MYLK: variants seen among roughly 807,000 people sequenced by gnomAD.
The protein encoded by MYLK is myosin light chain kinase, smooth muscle.
In MYLK, 106 loss-of-function variants were observed where a neutral mutation model predicts 203.4. The observed-to-expected ratio is 0.52, with a 90% CI of 0.45 to 0.61. MYLK has a LOEUF of 0.61. Ranked by LOEUF, MYLK falls within the 20% of genes least tolerant of loss-of-function variation. The pLI is 0.00. For synonymous variants in MYLK, 867 were observed against 959.5 expected, an observed-to-expected ratio of 0.90 and a Z score of 1.78; for missense variants, 2,072 against 2,442.3, an observed-to-expected ratio of 0.85 and a Z score of 3.20.
intron 29 of MYLK, among the ~76,000 whole-genome samples, chr3:123,637,304 A>G (rs1240519534): frequency 6.6e-6 from 1 of 152,134 alleles, no homozygotes; most frequent in Admixed American, 6.5e-5. Context: ...CTCAGAGCGC[A>G]GTCGTTGAAC....
chr3:123,695,597 C>A (rs2060889082), intron 18 of MYLK, among the ~76,000 whole-genome samples: 1 of 152,138 alleles, frequency 6.6e-6, no homozygotes, highest in South Asian at 2.1e-4. Context: ...GGATTATGCA[C>A]ACAACAAAGG....
At chr3:123,781,891 CAG>C (rs368770554) in intron 4 of MYLK, among the ~76,000 whole-genome samples, 6 of 152,114 alleles carry the variant, frequency 3.9e-5, no homozygotes, top group African/African-American at 1.2e-4. Flanking sequence ...TAAATAAAAA[CAG>C]AACATTAAGG....
At chr3:123,706,711 A>G (rs1560106327) in intron 16 of MYLK, among the ~76,000 whole-genome samples, 1 of 151,072 alleles carries the variant, frequency 6.6e-6, no homozygotes, top group Non-Finnish European at 1.5e-5. Flanking sequence ...TGGGCTCTCC[A>G]CTGTTCCAGG....
chr3:123,663,005 T>G (rs767922699), intron 23 of MYLK, among the ~76,000 whole-genome samples: 1 of 152,184 alleles, frequency 6.6e-6, no homozygotes, highest in Non-Finnish European at 1.5e-5. Context: ...CACATATCAA[T>G]AAATGCCAGG....
chr3:123,689,848 C>T (rs2060594613), intron 19 of MYLK: 1 of 152,176 alleles, frequency 6.6e-6, no homozygotes, highest in Admixed American at 6.5e-5. Flanking sequence ...TCATAAACAC[C>T]CCTTTTCTTA....
chr3:123,636,601 G>A (rs1175477106), intron 29 of MYLK, among the ~76,000 whole-genome samples: 2 of 152,222 alleles, frequency 1.3e-5, no homozygotes, highest in Non-Finnish European at 2.9e-5. Flanking sequence ...CACTGCCCAG[G>A]CCTGGGGCCG....
intron 1 of MYLK, among the ~76,000 whole-genome samples, chr3:123,882,192 G>A (rs2033588902): frequency 6.6e-6 from 1 of 152,142 alleles, no homozygotes; most frequent in South Asian, 2.1e-4. Flanking sequence ...AGGCAGAGGT[G>A]GGCGATCACT....
chr3:123,664,283 G>T (rs1334950196), intron 22 of MYLK, 25 bp from the exon 23 acceptor site: 2 of 1,614,148 alleles, frequency 1.2e-6, no homozygotes, highest in East Asian at 4.5e-5. Context: ...TGGAGCAGGT[G>T]CTGGAGCCTT....
chr3:123,759,117 G>C (rs1369248402), intron 4 of MYLK, among the ~76,000 whole-genome samples: 2 of 152,188 alleles, frequency 1.3e-5, no homozygotes, highest in African/African-American at 4.8e-5. Flanking sequence ...GAGACACTGT[G>C]CCTGGCCAAA....
In MYLK at chr3:123,793,731, C is replaced by A; in HGVS notation, c.111G>T (p.Leu37Phe). ...MPLTEAPAFILPPRNLCIKEG... is the reference protein window; with the variant it reads ...MPLTEAPAFIFPPRNLCIKEG... ...CTTTGATGCAGAGGTTCCGAGGGGG[C>A]AAAATGAAAGCAGGGGCCTCTGTCA... The change falls in exon 4 of 34, where the codon TTG (leucine) becomes TTT (phenylalanine). Residue 37 changes from leucine to phenylalanine, a missense_variant. By Grantham distance (22) the Leu-to-Phe change is conservative. Coordinates refer to ENST00000360304, the MANE Select transcript of MYLK (RefSeq NM_053025.4). 2.5e-6 allele frequency: 4 copies of A among 1,614,108 alleles called. No individual in the cohort carries two copies. Among genetic ancestry groups the A allele is most frequent in the Non-Finnish European group, 3.4e-6 (4 of 1,180,018 alleles).
chr3:123,735,179 G>T, intron 9 of MYLK: 1 of 627,644 alleles, frequency 1.6e-6, no homozygotes. Context: ...TGGCAACACT[G>T]AGTTTTCCAG....
intron 1 of MYLK, among the ~76,000 whole-genome samples, chr3:123,879,992 A>G (rs1189601157): frequency 1.3e-5 from 2 of 152,222 alleles, no homozygotes; most frequent in African/African-American, 2.4e-5. Flanking sequence ...ACAGAGCTCA[A>G]TAGAAAGTAG....
In MYLK at chr3:123,638,182, G is replaced by T. The variant is rs772551534; in HGVS notation, c.4850C>A (p.Ser1617Tyr). 1.9e-6 allele frequency: 3 copies of T among 1,613,784 alleles called. No homozygotes were observed. The highest frequency in any genetic ancestry group is 2.5e-6 in the Non-Finnish European group (3 of 1,180,030). ...GLARRLENAG[S>Y]LKVLFGTPEF... ...TGGGGTGCCAAAGAGGACCTTCAGA[G>T]ACCCCGCATTCTCTGAAACCAGGAT... is the stretch of plus-strand genomic sequence containing the variant. Residue 1617 changes from serine (S) to tyrosine (Y), a missense_variant, in exon 29 of 34, where the codon TCT becomes TAT. By Grantham distance (144) the Ser-to-Tyr change is moderately radical. Coordinates refer to ENST00000360304, the MANE Select transcript of MYLK (RefSeq NM_053025.4).
intron 4 of MYLK, among the ~76,000 whole-genome samples, chr3:123,777,658 A>G (rs1295809216): frequency 6.6e-6 from 1 of 152,200 alleles, no homozygotes; most frequent in African/African-American, 2.4e-5. Context: ...CAGCTTGGGA[A>G]CTGGGCTGAG....
chr3:123,674,074 T>C (rs779777480), intron 20 of MYLK, among the ~76,000 whole-genome samples: 1 of 152,084 alleles, frequency 6.6e-6, no homozygotes, highest in Non-Finnish European at 1.5e-5. Flanking sequence ...CCCATACCAA[T>C]ACATCCAACT....
At position 123,846,857 on chromosome 3, in the gene MYLK, CCT is replaced by C. The variant is rs2030072131; in HGVS notation, c.-126-15189_-126-15188del. On this transcript the variant is annotated intron_variant, in intron 2 of 33. Transcript: ENST00000360304. ...TGTGTACTTTTTGGTTAGGTGTACT[CCT>C]GGGTATATTATGGCTTTTGTTACTG... 1.3e-5 allele frequency among the ~76,000 whole-genome samples: 2 copies of C among 151,644 alleles called. 1 individual carries two copies. Among genetic ancestry groups the C allele is most frequent in the East Asian group, 3.9e-4 (2 of 5,164 alleles).
In MYLK at chr3:123,726,086, G is replaced by A. The variant is rs1392829087; in HGVS notation, c.1517-8C>T. ...CCTCCATCACGGCAAGCCCTGTGAG[G>A]GAAAAGGACAGGTCAGCTCAGATCA... On this transcript the variant is annotated splice_polypyrimidine_tract_variant and splice_region_variant and intron_variant, in intron 11 of 33. Coordinates refer to ENST00000360304, the MANE Select transcript of MYLK (RefSeq NM_053025.4). 6.2e-7 allele frequency: 1 copy of A among 1,614,072 alleles called. No individual in the cohort carries two copies. Among genetic ancestry groups the A allele is most frequent in the South Asian group, 1.1e-5 (1 of 91,044 alleles).
chr3:123,620,119 A>G (rs2057767066), intron 32 of MYLK, 88 bp downstream of exon 32: 9 of 1,207,582 alleles, frequency 7.5e-6, no homozygotes, highest in South Asian at 6.5e-5. Context: ...TAAAAAAAAA[A>G]AGAACAAAAC....
At chr3:123,796,783 C>T (rs903878150) in intron 3 of MYLK, among the ~76,000 whole-genome samples, 1 of 152,176 alleles carries the variant, frequency 6.6e-6, no homozygotes, top group South Asian at 2.1e-4. Flanking sequence ...GCTGGTGAGA[C>T]CATGATGAGA....
Sources: gnomAD v4.1 joint callset for allele counts (sites outside exome capture counted in the v4.1 genomes callset) on GRCh38, gnomAD v4.1.1 for gene constraint, MANE v1.5 for transcripts, NCBI Gene and HGNC (gene_info 2026-07-23, HGNC 2026-07-21) for gene names.